DCTN2: variants seen among roughly 807,000 people sequenced by gnomAD.
DCTN2 encodes 50 kDa dynein-associated polypeptide.
DCTN2 carries 18 observed loss-of-function variants against 55.4 expected under a neutral mutation model. The ratio of observed to expected loss-of-function variants is 0.32; its 90% CI spans 0.22 to 0.48. The LOEUF is 0.48. Ranked by LOEUF, DCTN2 falls within the 20% of genes least tolerant of loss-of-function variation. The pLI is 0.99. For missense variants in DCTN2, 390 were observed against 491.0 expected, an observed-to-expected ratio of 0.79 and a Z score of 1.94; for synonymous variants, 168 against 185.2, an observed-to-expected ratio of 0.91 and a Z score of 0.76.
intron 11 of DCTN2, 99 bp downstream of exon 11, chr12:57,532,473 A>C: frequency 7.1e-7 from 1 of 1,404,278 alleles, no homozygotes; most frequent in Non-Finnish European, 1.0e-6. Flanking sequence ...GAGCTTATGA[A>C]GATGGGGACC....
chr12:57,533,270 C>A lies in DCTN2; in HGVS notation c.703G>T (p.Glu235Ter). The change falls in exon 8 of 14, where the codon GAG becomes TAG. Residue 235 changes from glutamate to a stop codon, truncating the protein, a stop_gained. Coordinates refer to ENST00000548249, the MANE Select transcript of DCTN2 (RefSeq NM_001261413.2). LOFTEE classifies it high-confidence loss of function. The stretch of plus-strand genomic sequence containing the variant: ...TCCTGATCACAACGTACAGCTGTCT[C>A]CAGCTCTGTCAGGCGCTTTTCAAGT... Reference protein sequence around the residue: ...AELEKRLTELETAVRCDQDAQ... With the variant: ...AELEKRLTEL 6.2e-7 allele frequency: 1 copy of A among 1,613,990 alleles called. No individual in the cohort carries two copies. Among genetic ancestry groups the A allele is most frequent in the Non-Finnish European group, 8.5e-7 (1 of 1,179,888 alleles).
Position 57,532,047 on chromosome 12 carries a change from A to C in DCTN2, c.1087T>G (p.Ser363Ala). The change falls in exon 13 of 14, where the codon TCC (serine) becomes GCC (alanine). Residue 363 changes from serine to alanine, a missense_variant. Physicochemically the swap from Ser to Ala is moderately conservative, Grantham distance 99. This residue lies in a region of DCTN2 where 273 missense variants were observed against 303.2 expected (regional missense o/e 0.90). Transcript: ENST00000548249. ...LDTTQQMIANSLKDNTTLLTQ... is the reference protein window; with the variant it reads ...LDTTQQMIANALKDNTTLLTQ... ...AAGAGGGTGGTATTGTCCTTCAAGG[A>C]ATTAGCAATCATCTGCTGGGTGGTA... 6.4e-7 allele frequency: 1 copy of C among 1,566,132 alleles called. No individual in the cohort carries two copies. The highest frequency in any genetic ancestry group is 8.7e-7 in the Non-Finnish European group (1 of 1,154,602).
Position 57,533,233 on chromosome 12 carries a change from C to G in DCTN2, c.735+5G>C. 1 of 1,613,922 alleles carries G rather than the reference C, an allele frequency of 6.2e-7. No homozygotes were observed. Among genetic ancestry groups the G allele is most frequent in the Non-Finnish European group, 8.5e-7 (1 of 1,179,824 alleles). ...GCTCAGATTATGTACAGGAGAACAC[C>G]TGACCTGAGCATCCTGATCACAACG... On this transcript the variant is annotated splice_donor_5th_base_variant and intron_variant, in intron 8 of 13. Transcript: ENST00000548249.
At chr12:57,531,945 C>A in intron 13 of DCTN2, 70 bp downstream of exon 13, 1 of 1,549,692 alleles carries the variant, frequency 6.5e-7, no homozygotes. Context: ...AAGGCAGAAC[C>A]CTATAACACT....
intron 5 of DCTN2, chr12:57,534,834 GT>G (rs1880091998): frequency 4.4e-6 from 2 of 457,822 alleles, no homozygotes; most frequent in Non-Finnish European, 7.8e-6. Flanking sequence ...ACCTGGCTAA[GT>G]TTTTGTATTT....
chr12:57,538,745 G>A (rs879908075), intron 2 of DCTN2, among the ~76,000 whole-genome samples: 8 of 152,216 alleles, frequency 5.3e-5, no homozygotes, highest in Non-Finnish European at 1.2e-4. Flanking sequence ...TACCCCAAGA[G>A]AAAGAAGAGC....
rs1380533066 is a variant in DCTN2, at chr12:57,530,163, C to T, written c.*526G>A. The stretch of plus-strand genomic sequence containing the variant: ...TTGAAACTCTGGCTCTGGCTCTGTA[C>T]TCATTTTTTATTTAGTTCTTTGGTA... On this transcript the variant is annotated 3_prime_UTR_variant, in exon 14 of 14. Transcript: ENST00000548249. The T allele has an allele frequency of 6.6e-6, 1 of 152,482 alleles. No individual in the cohort carries two copies. The highest frequency in any genetic ancestry group is 1.5e-5 in the Non-Finnish European group (1 of 68,092). The allele number at this position is 152,482 out of a possible 1,614,324, so 9.4% of individuals were successfully genotyped here. A position where few individuals can be genotyped will look rare whatever the true frequency, so the allele number is the denominator to read the frequency against.
In DCTN2 at chr12:57,530,588, A is replaced by T. The variant is rs2086260265; in HGVS notation, c.*101T>A. On this transcript the variant is annotated 3_prime_UTR_variant, in exon 14 of 14. Coordinates refer to ENST00000548249, the MANE Select transcript of DCTN2 (RefSeq NM_001261413.2). ...ACCCTTGCCCCCAGTGTCAAATGGG[A>T]TGGGGATGCTAGAGTTATAGTAAAG... is the stretch of plus-strand genomic sequence containing the variant. 1 of 1,034,066 alleles carries T rather than the reference A, an allele frequency of 9.7e-7. No individual in the cohort carries two copies. Among genetic ancestry groups the T allele is most frequent in the African/African-American group, 1.6e-5 (1 of 62,830 alleles). The allele number at this position is 1,034,066 out of a possible 1,614,324, so 64.1% of individuals were successfully genotyped here.
intron 1 of DCTN2, 29 bp from the exon 2 acceptor site, chr12:57,546,125 C>G: frequency 6.2e-7 from 1 of 1,610,010 alleles, no homozygotes; most frequent in East Asian, 2.2e-5. Context: ...ACCACCCAAC[C>G]TCACTACCCA....
rs747062955 is a variant in DCTN2, at chr12:57,541,338, A to G, written c.105+4690T>C. 4 of 1,598,458 alleles carry G rather than the reference A, an allele frequency of 2.5e-6. No individual in the cohort carries two copies. The Admixed American group carries it at 6.7e-5, about 27-fold the overall frequency. On this transcript the variant is annotated intron_variant, in intron 2 of 13. Coordinates refer to ENST00000548249, the MANE Select transcript of DCTN2 (RefSeq NM_001261413.2). The stretch of plus-strand genomic sequence containing the variant: ...GAGATGGCAGATGAAAAAAACATGC[A>G]GAGAAGAAGCATTGAATGGTCTTAC...
intron 12 of DCTN2, 28 bp downstream of exon 12, chr12:57,532,184 CT>C: frequency 6.4e-7 from 1 of 1,552,400 alleles, no homozygotes; most frequent in Non-Finnish European, 8.7e-7. Flanking sequence ...TTCAACTTCT[CT>C]TAGCACTCCT....
chr12:57,535,260 G>T, intron 4 of DCTN2, 106 bp from the exon 5 acceptor site: 2 of 1,043,514 alleles, frequency 1.9e-6, no homozygotes, highest in Admixed American at 2.4e-5. Flanking sequence ...ATCCAATTGA[G>T]AATCCACAAC....
chr12:57,532,387 A>G (rs1879816414), intron 11 of DCTN2, 72 bp from the exon 12 acceptor site: 2 of 1,400,644 alleles, frequency 1.4e-6, no homozygotes, highest in Non-Finnish European at 2.0e-6. Flanking sequence ...CTGCTATTTC[A>G]CCGTAATGGG....
rs1348248819 is a variant in DCTN2 at position 57,530,263 on chromosome 12, C to T, written c.*426G>A. ...ATTGCCTGTTATGACGAATGAATAT[C>T]TATATCCTAGTGCTGCTTCCTCCCC... On this transcript the variant is annotated 3_prime_UTR_variant, in exon 14 of 14. Transcript: ENST00000548249. 6.3e-6 allele frequency: 1 copy of T among 157,742 alleles called. No homozygotes were observed. The highest frequency in any genetic ancestry group is 1.9e-4 in the East Asian group (1 of 5,384). The allele number at this position is 157,742 out of a possible 1,614,324, so 9.8% of individuals were successfully genotyped here. A position where few individuals can be genotyped will look rare whatever the true frequency, so the allele number is the denominator to read the frequency against.
chr12:57,531,975 T>G, intron 13 of DCTN2, 40 bp downstream of exon 13: 1 of 1,552,550 alleles, frequency 6.4e-7, no homozygotes, highest in Non-Finnish European at 8.7e-7. Flanking sequence ...AGTTTGCACA[T>G]GCTGGAGAAA....
At position 57,533,028 on chromosome 12, in the gene DCTN2, G is replaced by A; in HGVS notation, c.736-6C>T. On this transcript the variant is annotated splice_polypyrimidine_tract_variant and splice_region_variant and intron_variant, in intron 8 of 13. Coordinates refer to ENST00000548249, the MANE Select transcript of DCTN2 (RefSeq NM_001261413.2). ...AGACCTGCAGAAAGGGGATTCTGGT[G>A]GGAAAGGAAGGGAAGAAGTGAGTGG... The A allele has an allele frequency of 1.3e-6, 2 of 1,594,700 alleles. No homozygotes were observed. The highest frequency in any genetic ancestry group is 1.7e-4 in the Middle Eastern group (1 of 5,952).
chr12:57,542,880 T>C (rs1417781182), intron 2 of DCTN2: 3 of 455,906 alleles, frequency 6.6e-6, no homozygotes, highest in Non-Finnish European at 1.3e-5. Flanking sequence ...TCCATATTGG[T>C]TGTCTCTAGG....
intron 13 of DCTN2, 54 bp from the exon 14 acceptor site, chr12:57,530,829 A>ATG: frequency 7.1e-7 from 1 of 1,418,250 alleles, no homozygotes. Flanking sequence ...GCTTAACTGG[A>ATG]TGAGGACCTG....
intron 2 of DCTN2, 150 bp from the exon 3 acceptor site, chr12:57,535,995 C>T (rs1880202909): frequency 1.4e-5 from 9 of 621,658 alleles, no homozygotes; most frequent in South Asian, 1.0e-4. Flanking sequence ...CCTACCCAGG[C>T]TTAACCTAGG....
Sources: allele counts gnomAD v4.1 joint callset (sites outside exome capture counted in the v4.1 genomes callset), GRCh38; gene constraint gnomAD v4.1.1; regional missense constraint gnomAD v4.1.1; transcripts MANE v1.5; gene names NCBI Gene and HGNC (gene_info 2026-07-23, HGNC 2026-07-21).